FAT1: variants seen among roughly 807,000 people sequenced by gnomAD.
FAT1 encodes the protein protocadherin Fat 1.
FAT1 carries 171 observed loss-of-function variants against 329.8 expected under a neutral mutation model. The ratio of observed to expected loss-of-function variants is 0.52; its 90% CI spans 0.46 to 0.59. The LOEUF (loss-of-function observed/expected upper bound fraction) is 0.59, where lower values mean the gene tolerates loss of function less well. Ranked by LOEUF, FAT1 falls within the 20% of genes least tolerant of loss-of-function variation. The pLI is 0.00. For synonymous variants in FAT1, 2,233 were observed against 2,228.6 expected (o/e 1.00, Z -0.06); for missense variants, 5,672 against 5,774.4 (o/e 0.98, Z 0.57).
chr4:186,675,052 A>G (rs1179749276), intron 2 of FAT1, among the ~76,000 whole-genome samples: 2 of 152,138 alleles, frequency 1.3e-5, no homozygotes, highest in Non-Finnish European at 2.9e-5. Flanking sequence ...AAACAAAAAC[A>G]AAAAACCTGC....
intron 3 of FAT1, among the ~76,000 whole-genome samples, chr4:186,653,952 G>C (rs1239053521): frequency 6.6e-6 from 1 of 152,132 alleles, no homozygotes; most frequent in Non-Finnish European, 1.5e-5. Context: ...TTTTTGGTCT[G>C]ATGGCACCAT....
At position 186,602,927 on chromosome 4, in the gene FAT1, T is replaced by C. The variant is rs1579300327; in HGVS notation, c.11458A>G (p.Ser3820Gly). 3 of 1,613,968 alleles carry C rather than the reference T, an allele frequency of 1.9e-6. No homozygotes were observed. In the East Asian group the frequency reaches 6.7e-5, roughly 36 times the overall value. Residue 3820 changes from serine (S) to glycine (G), a missense_variant, in exon 20 of 27, where the codon AGC becomes GGC. Ser to Gly is a moderately conservative substitution (Grantham distance 56, BLOSUM62 0). Transcript: ENST00000441802. ...CCTGGGCACTGACCAAACCTGCCGC[T>C]GGGACAGACACAGGTGTGTTTCTCC... Reference protein sequence around the residue: ...WEEKHTCVCPSGRFGQCPGSS... With the variant: ...WEEKHTCVCPGGRFGQCPGSS...
chr4:186,684,710 T>G (rs1743383582), intron 2 of FAT1, among the ~76,000 whole-genome samples: 1 of 151,966 alleles, frequency 6.6e-6, no homozygotes. Context: ...CCCACCAGTA[T>G]TAACGCAGCA....
chr4:186,620,950 AAC>A lies in FAT1; in HGVS notation c.5634_5635del (p.Phe1879CysfsTer6). On this transcript the variant is annotated frameshift_variant, in exon 10 of 27. Transcript: ENST00000441802. LOFTEE classifies it high-confidence loss of function. Reference sequence around the variant, plus strand: ...AGATGCTTCATATAATGGCTTGGCAAACACAGGGGGGCAGTCATTAATGTCAA... The same window carrying A: ...AGATGCTTCATATAATGGCTTGGCAAACAGGGGGGCAGTCATTAATGTCAA... The A allele has an allele frequency of 1.2e-6, 2 of 1,613,974 alleles. No homozygotes were observed. The highest frequency in any genetic ancestry group is 1.7e-6 in the Non-Finnish European group (2 of 1,179,892).
rs954255447 is a variant in FAT1 at position 186,633,773 on chromosome 4, T to C, written c.4234A>G (p.Ile1412Val). The change falls in exon 7 of 27, where the codon ATT becomes GTT. Residue 1412 changes from isoleucine (I) to valine (V), a missense_variant. By Grantham distance (29) the Ile-to-Val change is conservative (BLOSUM62 3). This residue lies in a region of FAT1 where 3,966 missense variants were observed against 3,915.2 expected (regional missense o/e 1.01). Transcript: ENST00000441802. The stretch of plus-strand genomic sequence containing the variant: ...TCTGCATCAAGAGGTTTGGCAACAA[T>C]GATGGTTCCAGTTCCCTTGTCCACA... Reference protein sequence around the residue: ...FDVDKGTGTIIVAKPLDAEQK... With the variant: ...FDVDKGTGTIVVAKPLDAEQK... 6.2e-6 allele frequency: 10 copies of C among 1,613,898 alleles called. No individual in the cohort carries two copies. Among genetic ancestry groups the C allele is most frequent in the Middle Eastern group, 1.6e-4 (1 of 6,084 alleles).
intron 1 of FAT1, among the ~76,000 whole-genome samples, chr4:186,719,318 T>C (rs2126721240): frequency 6.6e-6 from 1 of 152,290 alleles, no homozygotes; most frequent in South Asian, 2.1e-4. Flanking sequence ...GAGTTCTGCA[T>C]CCATGGATCC....
chr4:186,714,448 C>A (rs185575591), intron 1 of FAT1, among the ~76,000 whole-genome samples: 1 of 152,140 alleles, frequency 6.6e-6, no homozygotes, highest in Non-Finnish European at 1.5e-5. Flanking sequence ...CAGCTACGGG[C>A]TATCCAAGTA....
chr4:186,662,875 C>A (rs188544246), intron 3 of FAT1, among the ~76,000 whole-genome samples: 1 of 151,590 alleles, frequency 6.6e-6, no homozygotes, highest in African/African-American at 2.4e-5. Context: ...CTCACTCTGT[C>A]GCCCAGGCTG....
rs571185942 is a variant in FAT1 at position 186,610,180 on chromosome 4, T to C, written c.9854-165A>G. The C allele has an allele frequency of 1.2e-5, 7 of 587,602 alleles. No individual in the cohort carries two copies. In the African/African-American group the frequency reaches 1.3e-4, roughly 11 times the overall value. The allele number at this position is 587,602 out of a possible 1,614,324, so 36.4% of individuals were successfully genotyped here. ...TTCTTAATTCAACAATTAAAAACTA[T>C]GAATCTGCCCATCCCTGGATCTTTA... On this transcript the variant is annotated intron_variant, in intron 14 of 26. Transcript: ENST00000441802.
At chr4:186,722,471 AT>A (rs1745508028) in intron 1 of FAT1, among the ~76,000 whole-genome samples, 1 of 152,232 alleles carries the variant, frequency 6.6e-6, no homozygotes, top group South Asian at 2.1e-4. Context: ...TGCTTTAAGT[AT>A]TTTTACATCT....
At chr4:186,706,132 A>G (rs1010999676) in intron 2 of FAT1, among the ~76,000 whole-genome samples, 2 of 152,192 alleles carry the variant, frequency 1.3e-5, no homozygotes, top group African/African-American at 4.8e-5. Context: ...GCCGGTGTGC[A>G]ACAACCTCTG....
chr4:186,645,568 G>C (rs1020343978), intron 3 of FAT1, among the ~76,000 whole-genome samples: 2 of 151,242 alleles, frequency 1.3e-5, no homozygotes, highest in Admixed American at 1.3e-4. Context: ...TATTGAAGTT[G>C]GGGGTTCAAT....
intron 1 of FAT1, among the ~76,000 whole-genome samples, chr4:186,720,501 T>A (rs1167467943): frequency 3.3e-5 from 5 of 152,322 alleles, no homozygotes; most frequent in East Asian, 3.9e-4. Flanking sequence ...TTTGCACACA[T>A]CATTTCCTCT....
intron 3 of FAT1, among the ~76,000 whole-genome samples, chr4:186,661,885 T>G (rs1742188677): frequency 6.6e-6 from 1 of 152,030 alleles, no homozygotes; most frequent in South Asian, 2.1e-4. Flanking sequence ...TGGGAAGAAG[T>G]GAACACTCTT....
At chr4:186,667,258 C>T (rs867091697) in intron 2 of FAT1, among the ~76,000 whole-genome samples, 30 of 152,188 alleles carry the variant, frequency 2.0e-4, no homozygotes, top group Admixed American at 7.9e-4. Context: ...TGCTGGTCCC[C>T]ACCGACCCAT....
intron 4 of FAT1, among the ~76,000 whole-genome samples, chr4:186,638,540 A>C (rs1740942741): frequency 6.6e-6 from 1 of 152,204 alleles, no homozygotes; most frequent in East Asian, 1.9e-4. Flanking sequence ...GATGTAATAC[A>C]TGAAGCAGCT....
chr4:186,605,975 G>A, intron 17 of FAT1, 95 bp downstream of exon 17: 4 of 1,212,696 alleles, frequency 3.3e-6, no homozygotes, highest in Non-Finnish European at 4.7e-6. Flanking sequence ...CATTTTTCTA[G>A]AAAGAAACCT....
intron 26 of FAT1, among the ~76,000 whole-genome samples, chr4:186,590,987 AC>A (rs1738214877): frequency 6.6e-6 from 1 of 152,240 alleles, no homozygotes; most frequent in South Asian, 2.1e-4. Flanking sequence ...CCACGGCTAC[AC>A]TTACCCCATG....
intron 5 of FAT1, 139 bp from the exon 6 acceptor site, chr4:186,636,374 T>C: frequency 1.1e-6 from 1 of 877,202 alleles, no homozygotes; most frequent in Non-Finnish European, 1.8e-6. Context: ...ATGGAATGCC[T>C]GACAGAAGAA....
Sources: allele counts gnomAD v4.1 joint callset (sites outside exome capture counted in the v4.1 genomes callset), GRCh38; gene constraint gnomAD v4.1.1; regional missense constraint gnomAD v4.1.1; transcripts MANE v1.5; gene names NCBI Gene and HGNC (gene_info 2026-07-23, HGNC 2026-07-21).